SMIM14: variants seen among roughly 807,000 people sequenced by gnomAD.
The protein encoded by SMIM14 is small integral membrane protein 14, also known as chromosome 4 open reading frame 34.
Under a neutral mutation model 12.6 loss-of-function variants are expected in SMIM14, and 5 were observed. The ratio of observed to expected loss-of-function variants is 0.40; its 90% CI spans 0.21 to 0.83. The LOEUF is 0.83. Among genes scored for constraint, SMIM14 ranks in the 40% least tolerant of loss-of-function variants. The pLI is 0.37. For synonymous variants in SMIM14, 30 were observed against 40.1 expected (o/e 0.75, Z 0.95); for missense variants, 86 against 119.1 (o/e 0.72, Z 1.29).
intron 1 of SMIM14, among the ~76,000 whole-genome samples, chr4:39,627,885 T>G (rs895032697): frequency 2.0e-5 from 3 of 152,198 alleles, no homozygotes; most frequent in Admixed American, 1.3e-4. Flanking sequence ...AGCTTTTCAA[T>G]TAAATCATCT....
chr4:39,629,739 T>C (rs1715835666), intron 1 of SMIM14, among the ~76,000 whole-genome samples: 1 of 152,104 alleles, frequency 6.6e-6, no homozygotes, highest in Non-Finnish European at 1.5e-5. Flanking sequence ...TCCTCCCACC[T>C]CAGGCTCCGG....
chr4:39,638,575 C>A (rs1427449297), intron 1 of SMIM14, 164 bp downstream of exon 1: 1 of 982,652 alleles, frequency 1.0e-6, no homozygotes, highest in Non-Finnish European at 1.2e-6. Context: ...GAGCTTCTCC[C>A]GGTGCAGAAT....
At chr4:39,619,616 A>AAATATAATTTATTCTATATATC (rs1458768797) in intron 1 of SMIM14, among the ~76,000 whole-genome samples, 15 of 86,626 alleles carry the variant, frequency 1.7e-4, no homozygotes, top group Admixed American at 3.1e-4. Flanking sequence ...ATATATCAAT[A>AAATATAATTTATTCTATATATC]AATATAATTT....
chr4:39,611,199 G>A (rs2110064377), intron 1 of SMIM14, among the ~76,000 whole-genome samples: 1 of 152,276 alleles, frequency 6.6e-6, no homozygotes, highest in East Asian at 1.9e-4. Flanking sequence ...ATACCTATCA[G>A]GAGATTGGTA....
intron 2 of SMIM14, among the ~76,000 whole-genome samples, chr4:39,604,518 C>T (rs1485123150): frequency 6.6e-6 from 1 of 151,948 alleles, no homozygotes; most frequent in Admixed American, 6.6e-5. Context: ...GCCTGTGCAA[C>T]AGAGCGAGAC....
intron 2 of SMIM14, among the ~76,000 whole-genome samples, chr4:39,602,703 T>C (rs1714663709): frequency 6.6e-6 from 1 of 152,194 alleles, no homozygotes; most frequent in Non-Finnish European, 1.5e-5. Context: ...ATTACCATTA[T>C]ATTTCTATAC....
chr4:39,600,672 A>G (rs1306130296), intron 2 of SMIM14, among the ~76,000 whole-genome samples: 1 of 151,998 alleles, frequency 6.6e-6, no homozygotes, highest in East Asian at 1.9e-4. Context: ...CCTGGGCAAC[A>G]AGAGCGAAAC....
intron 2 of SMIM14, among the ~76,000 whole-genome samples, chr4:39,577,431 T>A (rs1195076244): frequency 3.5e-5 from 1 of 28,540 alleles, no homozygotes; most frequent in Non-Finnish European, 2.6e-4. Context: ...CCTTTCAGCC[T>A]TTTTTTTTTT....
At chr4:39,580,079 A>T (rs1233289076) in intron 2 of SMIM14, among the ~76,000 whole-genome samples, 1 of 152,154 alleles carries the variant, frequency 6.6e-6, no homozygotes, top group Non-Finnish European at 1.5e-5. Context: ...AGAACCTCAT[A>T]TGTGTTGGAG....
chr4:39,576,642 C>A (rs1473793747), intron 2 of SMIM14, among the ~76,000 whole-genome samples: 2 of 100,374 alleles, frequency 2.0e-5, no homozygotes, highest in East Asian at 3.6e-4. Flanking sequence ...TAACTTATAC[C>A]TATGTGTGTG....
chr4:39,590,801 CAA>C (rs199795378), intron 2 of SMIM14, among the ~76,000 whole-genome samples: 175 of 111,936 alleles, frequency 1.6e-3, no homozygotes, highest in Admixed American at 2.1e-3. Context: ...CACTCTGTCT[CAA>C]AAAAAAAAAA....
chr4:39,582,992 A>T (rs991176589), intron 2 of SMIM14, among the ~76,000 whole-genome samples: 2 of 151,894 alleles, frequency 1.3e-5, no homozygotes, highest in Non-Finnish European at 2.9e-5. Flanking sequence ...GGGTTTTGCC[A>T]TGTTGGCCAG....
intron 2 of SMIM14, among the ~76,000 whole-genome samples, chr4:39,602,030 G>C (rs576654588): frequency 1.3e-5 from 2 of 150,022 alleles, no homozygotes; most frequent in African/African-American, 4.9e-5. Context: ...TAGGCAGATA[G>C]TTGAGCTCAG....
intron 3 of SMIM14, among the ~76,000 whole-genome samples, chr4:39,556,950 A>G (rs1330996206): frequency 6.6e-6 from 1 of 151,012 alleles, no homozygotes; most frequent in Non-Finnish European, 1.5e-5. Context: ...ACCATGCCCC[A>G]TGCACCTAAT....
intron 1 of SMIM14, among the ~76,000 whole-genome samples, chr4:39,634,594 A>G (rs1020763325): frequency 1.2e-4 from 19 of 152,234 alleles, no homozygotes; most frequent in African/African-American, 4.6e-4. Flanking sequence ...GGTAGCTATC[A>G]TTACTACTAT....
chr4:39,630,543 A>T (rs1162269523), intron 1 of SMIM14, among the ~76,000 whole-genome samples: 1 of 152,144 alleles, frequency 6.6e-6, no homozygotes, highest in African/African-American at 2.4e-5. Flanking sequence ...ACTGGGAAAA[A>T]TGCTTAGAAC....
At chr4:39,578,981 A>G (rs1034146572) in intron 2 of SMIM14, among the ~76,000 whole-genome samples, 1 of 146,844 alleles carries the variant, frequency 6.8e-6, no homozygotes, top group African/African-American at 2.5e-5. Context: ...TGGGCAACAC[A>G]GTGAGACTGT....
chr4:39,591,262 G>A (rs540239560), intron 2 of SMIM14, among the ~76,000 whole-genome samples: 65 of 152,006 alleles, frequency 4.3e-4, no homozygotes, highest in African/African-American at 1.5e-3. Context: ...AGAGAGCACA[G>A]GTATGAAGGG....
In SMIM14 at chr4:39,623,329, AAAGGTTTTTT is replaced by A. The variant is rs527350218; in HGVS notation, c.-36+15400_-36+15409del. Among the ~76,000 whole-genome samples the A allele has an allele frequency of 2.4e-3, 359 of 152,288 alleles. 4 individuals carry two copies. The highest frequency in any genetic ancestry group is 8.2e-3 in the African/African-American group (340 of 41,556). On this transcript the variant is annotated intron_variant, in intron 1 of 4. Transcript: ENST00000295958. Reference sequence around the variant, plus strand: ...AAAAATTTCAAATTATTAATACATAAAAGGTTTTTTAAAAATACATTTTTATAGAAAAACA... The same window carrying A: ...AAAAATTTCAAATTATTAATACATAAAAAAATACATTTTTATAGAAAAACA...
Sources: gnomAD v4.1 joint callset for allele counts (sites outside exome capture counted in the v4.1 genomes callset) on GRCh38, gnomAD v4.1.1 for gene constraint, MANE v1.5 for transcripts, NCBI Gene and HGNC (gene_info 2026-07-23, HGNC 2026-07-21) for gene names.